Variants in DUT observed in about 807,000 individuals in gnomAD.
The protein encoded by DUT is deoxyuridine triphosphatase.
DUT carries 21 observed loss-of-function variants against 28.8 expected under a neutral mutation model. The observed-to-expected ratio is 0.73, with a 90% CI of 0.52 to 1.05. The LOEUF (loss-of-function observed/expected upper bound fraction) is 1.05. DUT is among the 50% of genes least tolerant of loss of function. The pLI, the probability that DUT is intolerant of heterozygous loss-of-function variation, is 0.00. For missense variants in DUT, 344 were observed against 351.8 expected (o/e 0.98, Z 0.18); for synonymous variants, 147 against 143.7 (o/e 1.02, Z -0.17).
Position 48,335,806 on chromosome 15 carries a change from T to C in DUT, c.512-240T>C, listed in dbSNP as rs886514469. The stretch of plus-strand genomic sequence containing the variant: ...ACCACAAATTCTGACTGAAGTCACA[T>C]GGGAGTGGTTTAAGTTAGTTTTGAA... On this transcript the variant is annotated intron_variant, in intron 3 of 6. Transcript: ENST00000331200. Among the ~76,000 whole-genome samples, 3 of 152,352 alleles carry C rather than the reference T, an allele frequency of 2.0e-5. No homozygotes were observed. The East Asian group carries it at 5.8e-4, about 29-fold the overall frequency.
At position 48,332,308 on chromosome 15, in the gene DUT, G is replaced by A. The variant is rs1274188599; in HGVS notation, c.321G>A (p.Ala107=). The change falls in exon 2 of 7, where the codon GCG becomes GCA. Residue 107 remains alanine (A), a synonymous_variant. Coordinates refer to ENST00000331200, the MANE Select transcript of DUT (RefSeq NM_001025248.2). The stretch of plus-strand genomic sequence containing the variant: ...CACCCAGTAAGCGGGCCCGGCCTGC[G>A]GAGGTGGGCGGCATGCAGCTCCGCT... ...AISPSKRARP[A]EVGGMQLRFA... is the part of the protein sequence containing the mutation. 1 of 1,608,802 alleles carries A rather than the reference G, an allele frequency of 6.2e-7. No homozygotes were observed. The highest frequency in any genetic ancestry group is 1.3e-5 in the African/African-American group (1 of 74,276).
chr15:48,333,970 A>G (rs2042447101), intron 2 of DUT, among the ~76,000 whole-genome samples: 1 of 152,206 alleles, frequency 6.6e-6, no homozygotes. Flanking sequence ...GGCTTAATCA[A>G]TGATAGCTAG....
chr15:48,332,059 G>T (rs1336390082), intron 1 of DUT: 23 of 1,186,538 alleles, frequency 1.9e-5, no homozygotes, highest in Non-Finnish European at 2.6e-5. Context: ...CCTGCTTTCC[G>T]AGAAGGGCTT....
At chr15:48,337,984 T>C (rs975398843) in intron 4 of DUT, among the ~76,000 whole-genome samples, 1 of 152,174 alleles carries the variant, frequency 6.6e-6, no homozygotes, top group East Asian at 1.9e-4. Context: ...ACAGTAAAAC[T>C]TTTGCCTGAA....
chr15:48,338,802 C>G (rs1057133833), intron 4 of DUT, among the ~76,000 whole-genome samples: 3 of 152,166 alleles, frequency 2.0e-5, no homozygotes, highest in Admixed American at 6.5e-5. Context: ...AATGTAAAAG[C>G]AGCCTGTGTC....
chr15:48,339,861 C>T (rs28381136), intron 4 of DUT, among the ~76,000 whole-genome samples: 2,198 of 152,192 alleles, frequency 0.014, 26 homozygotes, highest in Non-Finnish European at 0.024. Flanking sequence ...TTCATTTAAA[C>T]GTATGTTGTA....
intron 4 of DUT, among the ~76,000 whole-genome samples, chr15:48,339,949 C>A (rs1037133243): frequency 3.2e-4 from 48 of 152,010 alleles, no homozygotes; most frequent in African/African-American, 1.1e-3. Flanking sequence ...GCTTTTTTCC[C>A]CCCATTATAT....
intron 1 of DUT, 193 bp from the exon 2 acceptor site, chr15:48,332,075 C>G: frequency 7.8e-7 from 1 of 1,287,148 alleles, no homozygotes; most frequent in Non-Finnish European, 1.0e-6. Context: ...GGCTTCAAAC[C>G]CAAAATGTGA....
Position 48,334,466 on chromosome 15 carries a change from G to A in DUT, c.469G>A (p.Asp157Asn). Residue 157 changes from aspartate (D) to asparagine (N), a missense_variant, in exon 3 of 7, where the codon GAC becomes AAC. Coordinates refer to ENST00000331200, the MANE Select transcript of DUT (RefSeq NM_001025248.2). ...TATGGAGAAAGCTGTTGTGAAAACG[G>A]ACATTCAGATAGCGCTCCCTTCTGG... ...PPMEKAVVKT[D>N]IQIALPSGCY... 6.2e-7 allele frequency: 1 copy of A among 1,611,774 alleles called. No individual in the cohort carries two copies. The highest frequency in any genetic ancestry group is 8.5e-7 in the Non-Finnish European group (1 of 1,178,528).
At chr15:48,341,670 T>A in intron 6 of DUT, 85 bp downstream of exon 6, 1 of 1,120,856 alleles carries the variant, frequency 8.9e-7, no homozygotes, top group Non-Finnish European at 1.3e-6. Flanking sequence ...TTTAATATGC[T>A]GTTTGTAACT....
rs1009163067 is a variant in DUT at position 48,331,738 on chromosome 15, G to C, written c.223G>C (p.Ala75Pro). The change falls in exon 1 of 7, where the codon GCC becomes CCC. Residue 75 changes from alanine (A) to proline (P), a missense_variant. By Grantham distance (27) the Ala-to-Pro change is conservative. Transcript: ENST00000331200. ...QGCRGASTVG[A>P]AGWKGELPKA... Reference sequence around the variant, plus strand: ...CTGCCGCGGAGCCAGTACAGTCGGGGCCGCTGGCTGGAAGGGCGAGCTTCC... The same window carrying C: ...CTGCCGCGGAGCCAGTACAGTCGGGCCCGCTGGCTGGAAGGGCGAGCTTCC... The C allele has an allele frequency of 2.6e-5, 38 of 1,441,040 alleles. No homozygotes were observed. The highest frequency in any genetic ancestry group is 3.5e-5 in the Non-Finnish European group (38 of 1,098,810). The allele number at this position is 1,441,040 out of a possible 1,614,324, so 89.3% of individuals were successfully genotyped here.
chr15:48,333,802 C>G (rs2042445435), intron 2 of DUT, among the ~76,000 whole-genome samples: 1 of 152,218 alleles, frequency 6.6e-6, no homozygotes, highest in African/African-American at 2.4e-5. Flanking sequence ...ACTACCAAGC[C>G]CTGCCTGACA....
At position 48,334,469 on chromosome 15, in the gene DUT, A is replaced by T. The variant is rs1055496942; in HGVS notation, c.472A>T (p.Ile158Phe). 4 of 1,612,018 alleles carry T rather than the reference A, an allele frequency of 2.5e-6. No individual in the cohort carries two copies. The highest frequency in any genetic ancestry group is 3.4e-6 in the Non-Finnish European group (4 of 1,178,646). Reference sequence around the variant, plus strand: ...GGAGAAAGCTGTTGTGAAAACGGACATTCAGATAGCGCTCCCTTCTGGGTG... The same window carrying T: ...GGAGAAAGCTGTTGTGAAAACGGACTTTCAGATAGCGCTCCCTTCTGGGTG... ...PMEKAVVKTD[I>F]QIALPSGCYG... is the part of the protein sequence containing the mutation. Residue 158 changes from isoleucine to phenylalanine, a missense_variant, in exon 3 of 7, where the codon ATT becomes TTT. Transcript: ENST00000331200.
chr15:48,339,492 G>A (rs2042509864), intron 4 of DUT, among the ~76,000 whole-genome samples: 2 of 152,162 alleles, frequency 1.3e-5, no homozygotes, highest in African/African-American at 4.8e-5. Context: ...AACATGCTAT[G>A]TTGAGGGATT....
intron 6 of DUT, 40 bp from the exon 7 acceptor site, chr15:48,341,982 T>TA (rs768587963): frequency 1.3e-4 from 193 of 1,510,810 alleles, no homozygotes; most frequent in African/African-American, 1.0e-3. Flanking sequence ...AAGAGGCTCT[T>TA]AAAAAAAACT....
chr15:48,334,181 A>G (rs28381110), intron 2 of DUT, among the ~76,000 whole-genome samples: 2,292 of 152,320 alleles, frequency 0.015, 47 homozygotes, highest in African/African-American at 0.035. Context: ...AAAAATATTC[A>G]TGGAGAATTA....
upstream of DUT, chr15:48,331,246 G>A: frequency 6.8e-7 from 1 of 1,474,148 alleles, no homozygotes; most frequent in Non-Finnish European, 8.9e-7. Flanking sequence ...GGAAAAATGG[G>A]GGCCAGAGCA....
At chr15:48,337,640 T>G (rs1478416698) in intron 4 of DUT, among the ~76,000 whole-genome samples, 1 of 152,230 alleles carries the variant, frequency 6.6e-6, no homozygotes, top group East Asian at 1.9e-4. Context: ...TTACTAATTT[T>G]TGCTCTGTTT....
At position 48,331,538 on chromosome 15, in the gene DUT, C is replaced by T. The variant is rs757601238; in HGVS notation, c.23C>T (p.Pro8Leu). The T allele has an allele frequency of 3.1e-6, 5 of 1,611,574 alleles. No individual in the cohort carries two copies. In the African/African-American group the frequency reaches 4.0e-5, roughly 13 times the overall value. MTPLCPR[P>L]ALCYHFLTSL... ...GAAATGACTCCCCTCTGCCCTCGCC[C>T]CGCGCTCTGCTACCATTTCCTTACG... The change falls in exon 1 of 7, where the codon CCC becomes CTC. Residue 8 changes from proline (P) to leucine (L), a missense_variant. Transcript: ENST00000331200.
Sources: gnomAD v4.1 joint callset for allele counts (sites outside exome capture counted in the v4.1 genomes callset) on GRCh38, gnomAD v4.1.1 for gene constraint, MANE v1.5 for transcripts, NCBI Gene and HGNC (gene_info 2026-07-23, HGNC 2026-07-21) for gene names.